Variants in INPP5A observed in about 807,000 individuals in gnomAD.
INPP5A encodes the protein inositol polyphosphate-5-phosphatase A.
Under a neutral mutation model 65.2 loss-of-function variants are expected in INPP5A, and 14 were observed. That is an observed-to-expected ratio of 0.21 (90% CI 0.14 to 0.34). INPP5A has a LOEUF of 0.34. Ranked by LOEUF, INPP5A falls within the 10% of genes least tolerant of loss-of-function variation. The pLI is 1.00. For synonymous variants in INPP5A, 207 were observed against 208.3 expected, an observed-to-expected ratio of 0.99 and a Z score of 0.05; for missense variants, 431 against 545.6, an observed-to-expected ratio of 0.79 and a Z score of 2.09.
intron 8 of INPP5A, among the ~76,000 whole-genome samples, chr10:132,710,780 G>C (rs1672001577): frequency 6.9e-6 from 1 of 144,654 alleles, no homozygotes. Context: ...AGAGGTAGGT[G>C]TGCTGGGCAG....
At chr10:132,573,741 G>A (rs1275079251) in intron 1 of INPP5A, among the ~76,000 whole-genome samples, 1 of 119,544 alleles carries the variant, frequency 8.4e-6, no homozygotes, top group Non-Finnish European at 1.7e-5. Flanking sequence ...TGTGCGTGCC[G>A]TGTGAGGTTT....
intron 3 of INPP5A, among the ~76,000 whole-genome samples, chr10:132,646,363 G>A (rs1040661234): frequency 4.6e-5 from 7 of 152,180 alleles, no homozygotes; most frequent in African/African-American, 1.7e-4. Context: ...CCTCCTTGGG[G>A]GCGAAATCTC....
intron 2 of INPP5A, among the ~76,000 whole-genome samples, chr10:132,611,016 C>T (rs762016838): frequency 3.4e-5 from 4 of 117,860 alleles, no homozygotes; most frequent in East Asian, 2.7e-4. Flanking sequence ...AGGGAGGTGA[C>T]GTGGGCAGAG....
intron 9 of INPP5A, among the ~76,000 whole-genome samples, chr10:132,731,083 C>T (rs187426593): frequency 6.6e-6 from 1 of 152,306 alleles, no homozygotes; most frequent in Admixed American, 6.5e-5. Flanking sequence ...GAGGTGGGCC[C>T]TGGGTGGGGT....
Position 132,692,808 on chromosome 10 carries a change from C to T in INPP5A, c.370+2353C>T, listed in dbSNP as rs187306090. Among the ~76,000 whole-genome samples, 4 of 152,054 alleles carry T rather than the reference C, an allele frequency of 2.6e-5. No homozygotes were observed. The East Asian group carries it at 7.7e-4, about 29-fold the overall frequency. ...AGAAATGCTAAAAGAAGCTCTTCAA[C>T]GGAAGGAAATATCATATAGCCCAGA... On this transcript the variant is annotated intron_variant, in intron 5 of 15. Coordinates refer to ENST00000368594, the MANE Select transcript of INPP5A (RefSeq NM_005539.5).
Position 132,537,988 on chromosome 10 carries a change from C to T in INPP5A, c.-109C>T, listed in dbSNP as rs1373850773. ...CCGCGATGCGCCCCGGGGCCGCCCC[C>T]CGGCGCAGCTGACGCCCCGCGGCCC... On this transcript the variant is annotated 5_prime_UTR_variant, in exon 1 of 16. Coordinates refer to ENST00000368594, the MANE Select transcript of INPP5A (RefSeq NM_005539.5). 5.8e-6 allele frequency: 2 copies of T among 343,262 alleles called. No individual in the cohort carries two copies. Among genetic ancestry groups the T allele is most frequent in the Non-Finnish European group, 8.2e-6 (2 of 245,386 alleles). 21.3% of individuals were successfully genotyped at this position (343,262 alleles called of 1,614,324 possible).
chr10:132,556,234 G>T (rs1171035550), intron 1 of INPP5A, among the ~76,000 whole-genome samples: 1 of 152,204 alleles, frequency 6.6e-6, no homozygotes, highest in East Asian at 1.9e-4. Flanking sequence ...GCATTGTGAG[G>T]TCATGCAGCA....
In INPP5A at chr10:132,543,255, AC is replaced by A. The variant is rs558850111; in HGVS notation, c.75+5089del. Among the ~76,000 whole-genome samples the A allele has an allele frequency of 5.6e-3, 804 of 144,096 alleles. 5 individuals are homozygous for A. Among genetic ancestry groups the A allele is most frequent in the Non-Finnish European group, 9.9e-3 (646 of 65,512 alleles). The allele number at this position is 144,096 out of a possible 152,430, so 94.5% of individuals were successfully genotyped here. On this transcript the variant is annotated intron_variant, in intron 1 of 15. Coordinates refer to ENST00000368594, the MANE Select transcript of INPP5A (RefSeq NM_005539.5). ...AAGCCCCACGTCCCCCAGCCTCCCCACCCCCTGCAGTCAGTTTTCCTCTCTG... is the reference window on the plus strand; with the variant it reads ...AAGCCCCACGTCCCCCAGCCTCCCCACCCCTGCAGTCAGTTTTCCTCTCTG...
intron 1 of INPP5A, 28 bp from the exon 2 acceptor site, chr10:132,607,887 G>T: frequency 6.2e-7 from 1 of 1,602,988 alleles, no homozygotes. Context: ...TGGTCTGACT[G>T]GCTTTTCTTT....
At chr10:132,719,406 T>TGG (rs1845815838) in intron 8 of INPP5A, among the ~76,000 whole-genome samples, 1 of 143,440 alleles carries the variant, frequency 7.0e-6, no homozygotes. Flanking sequence ...GGGTTCTGTC[T>TGG]GGGCACCTTA....
chr10:132,538,885 C>T lies in INPP5A; in HGVS notation c.75+714C>T, dbSNP rs903835763. ...GCCTTCATACTGTGGCCCTTTGCCT[C>T]TAAAGCCAATCTAGCCTGACTCTGA... On this transcript the variant is annotated intron_variant, in intron 1 of 15. Coordinates refer to ENST00000368594, the MANE Select transcript of INPP5A (RefSeq NM_005539.5). The surrounding 1 kb of genome is among the most constrained non-coding windows in gnomAD (Gnocchi z 4.1). 1.3e-5 allele frequency among the ~76,000 whole-genome samples: 2 copies of T among 152,206 alleles called. No homozygotes were observed. The highest frequency in any genetic ancestry group is 4.8e-5 in the African/African-American group (2 of 41,438).
At chr10:132,658,019 A>C (rs1159084378) in intron 4 of INPP5A, among the ~76,000 whole-genome samples, 2 of 152,258 alleles carry the variant, frequency 1.3e-5, no homozygotes, top group South Asian at 2.1e-4. Context: ...GCTGCAGTGA[A>C]GGTGAAACTG....
intron 9 of INPP5A, among the ~76,000 whole-genome samples, chr10:132,733,799 C>T (rs1281629124): frequency 6.6e-6 from 1 of 152,262 alleles, no homozygotes; most frequent in Non-Finnish European, 1.5e-5. Flanking sequence ...TGCACCTGAA[C>T]AGGCTGATTT....
At chr10:132,578,070 T>C (rs990680582) in intron 1 of INPP5A, among the ~76,000 whole-genome samples, 1 of 152,254 alleles carries the variant, frequency 6.6e-6, no homozygotes. Flanking sequence ...AGTATTGAAC[T>C]GCATTGAATG....
At chr10:132,608,119 C>G (rs1351354013) in intron 2 of INPP5A, among the ~76,000 whole-genome samples, 163 bp downstream of exon 2, 1 of 152,248 alleles carries the variant, frequency 6.6e-6, no homozygotes, top group Admixed American at 6.5e-5. Context: ...CAACATGTTT[C>G]TGTGTCACAG....
chr10:132,736,681 G>A (rs1846182638), intron 9 of INPP5A, among the ~76,000 whole-genome samples: 1 of 152,242 alleles, frequency 6.6e-6, no homozygotes, highest in African/African-American at 2.4e-5. Context: ...AGGCCAGGCT[G>A]CCCAGCAGCA....
At chr10:132,774,150 CTT>C (rs1434192764) in intron 12 of INPP5A, among the ~76,000 whole-genome samples, 1 of 152,092 alleles carries the variant, frequency 6.6e-6, no homozygotes, top group East Asian at 1.9e-4. Context: ...AGTTCTTTCT[CTT>C]TGGTTTTAGG....
intron 1 of INPP5A, among the ~76,000 whole-genome samples, chr10:132,564,771 T>A (rs960467621): frequency 2.6e-5 from 4 of 152,214 alleles, no homozygotes; most frequent in African/African-American, 9.6e-5. Context: ...GAGCTCCTGG[T>A]GGCAGATGGG....
intron 8 of INPP5A, among the ~76,000 whole-genome samples, chr10:132,718,782 C>T (rs1280449888): frequency 2.0e-5 from 3 of 148,322 alleles, no homozygotes; most frequent in East Asian, 2.0e-4. Flanking sequence ...TCTGTGGTAC[C>T]TCGGTTCTGT....
Sources: allele counts gnomAD v4.1 joint callset (sites outside exome capture counted in the v4.1 genomes callset), GRCh38; gene constraint gnomAD v4.1.1; non-coding constraint Gnocchi (gnomAD v3.1); transcripts MANE v1.5; gene names NCBI Gene and HGNC (gene_info 2026-07-23, HGNC 2026-07-21).